Variants in DENND6A observed in about 807,000 individuals in gnomAD.
DENND6A encodes DENN domain containing 6A.
DENND6A carries 43 observed loss-of-function variants against 95.5 expected under a neutral mutation model. The observed-to-expected ratio is 0.45, with a 90% confidence interval of 0.35 to 0.58. The LOEUF (loss-of-function observed/expected upper bound fraction) is 0.58. DENND6A is among the 20% of genes least tolerant of loss of function. The pLI, the probability that DENND6A is intolerant of heterozygous loss-of-function variation, is 0.00. For synonymous variants in DENND6A, 257 were observed against 260.4 expected (o/e 0.99, Z 0.13); for missense variants, 574 against 736.0 (o/e 0.78, Z 2.55).
intron 12 of DENND6A, among the ~76,000 whole-genome samples, chr3:57,637,106 A>T (rs2070811917): frequency 6.6e-6 from 1 of 152,198 alleles, no homozygotes; most frequent in African/African-American, 2.4e-5. Flanking sequence ...CTCTGGTCCA[A>T]GAATACTGCA....
In DENND6A at chr3:57,630,484, C is replaced by T. The variant is rs1161069352; in HGVS notation, c.1557G>A (p.Lys519=). Residue 519 remains lysine (K), a synonymous_variant, in exon 18 of 20, where the codon AAG becomes AAA. Coordinates refer to ENST00000311128, the MANE Select transcript of DENND6A (RefSeq NM_152678.3). ...TTTGGGTCATTTCCTTCCTCCGGGT[C>T]TTAAACCAGCCATCAAAATTTGGAG... ...LKSPNFDGWF[K]TRRKEMTQKL... is the part of the protein sequence containing the mutation. 2 of 1,592,962 alleles carry T rather than the reference C, an allele frequency of 1.3e-6. No individual in the cohort carries two copies. Among genetic ancestry groups the T allele is most frequent in the East Asian group, 4.5e-5 (2 of 44,660 alleles).
intron 1 of DENND6A, among the ~76,000 whole-genome samples, chr3:57,673,952 A>G (rs1411000361): frequency 1.3e-5 from 2 of 152,118 alleles, no homozygotes; most frequent in African/African-American, 4.8e-5. Context: ...TATTTTTAGT[A>G]GAGATGAGGA....
intron 1 of DENND6A, among the ~76,000 whole-genome samples, chr3:57,690,282 G>T (rs1304084847): frequency 1.3e-5 from 2 of 152,158 alleles, no homozygotes; most frequent in African/African-American, 4.8e-5. Flanking sequence ...GAGGTGGGCA[G>T]ATCACACTGT....
chr3:57,668,887 T>A (rs1049140277), intron 3 of DENND6A, among the ~76,000 whole-genome samples: 1 of 152,180 alleles, frequency 6.6e-6, no homozygotes, highest in Admixed American at 6.5e-5. Flanking sequence ...TCCTTTTTTT[T>A]CTTGAGATGG....
chr3:57,655,367 C>T (rs2071304126), intron 9 of DENND6A, among the ~76,000 whole-genome samples: 1 of 152,160 alleles, frequency 6.6e-6, no homozygotes, highest in Non-Finnish European at 1.5e-5. Flanking sequence ...AACTTACTTG[C>T]CCCACTCTTA....
chr3:57,687,384 T>C (rs2077220414), intron 1 of DENND6A, among the ~76,000 whole-genome samples: 2 of 152,124 alleles, frequency 1.3e-5, no homozygotes, highest in South Asian at 2.1e-4. Context: ...AGAAGAAAAG[T>C]TGGAAGCTAG....
Position 57,634,620 on chromosome 3 carries a change from C to A in DENND6A, c.1201G>T (p.Val401Phe). Residue 401 changes from valine to phenylalanine, a missense_variant and splice_region_variant, in exon 14 of 20, where the codon GTT (valine) becomes TTT (phenylalanine). Transcript: ENST00000311128. Reference sequence around the variant, plus strand: ...AAATATGGCTTATATGAAGTATAAACTCCTAAGAGCAAAGAAAAGAAGGTA... The same window carrying A: ...AAATATGGCTTATATGAAGTATAAAATCCTAAGAGCAAAGAAAAGAAGGTA... ...NLKTLDSKPGVYTSYKPYLNR... is the reference protein window; with the variant it reads ...NLKTLDSKPGFYTSYKPYLNR... 6.7e-7 allele frequency: 1 copy of A among 1,484,106 alleles called. No homozygotes were observed. The highest frequency in any genetic ancestry group is 9.0e-7 in the Non-Finnish European group (1 of 1,107,786). The allele number at this position is 1,484,106 out of a possible 1,614,324, so 91.9% of individuals were successfully genotyped here. A position where few individuals can be genotyped will look rare whatever the true frequency, so the allele number is the denominator to read the frequency against.
At chr3:57,671,769 G>A (rs1559826235) in intron 3 of DENND6A, among the ~76,000 whole-genome samples, 1 of 152,046 alleles carries the variant, frequency 6.6e-6, no homozygotes, top group Non-Finnish European at 1.5e-5. Context: ...ACCCTTGTAT[G>A]TTTTTTTCTA....
intron 1 of DENND6A, among the ~76,000 whole-genome samples, chr3:57,678,742 A>G (rs928268927): frequency 1.3e-5 from 2 of 152,262 alleles, no homozygotes; most frequent in African/African-American, 4.8e-5. Context: ...CTCACCAGGA[A>G]CAAAATTGGT....
In DENND6A at chr3:57,634,781, A is replaced by G. The variant is rs1351682424; in HGVS notation, c.1133-12T>C. 6.5e-7 allele frequency: 1 copy of G among 1,537,344 alleles called. No individual in the cohort carries two copies. Among genetic ancestry groups the G allele is most frequent in the Non-Finnish European group, 8.7e-7 (1 of 1,145,152 alleles). ...CTTAGGAATTTCACCTGAAGGAAGC[A>G]GCATAAAGATTTTTATAATTATTCT... On this transcript the variant is annotated splice_polypyrimidine_tract_variant and intron_variant, in intron 12 of 19. Coordinates refer to ENST00000311128, the MANE Select transcript of DENND6A (RefSeq NM_152678.3).
At position 57,685,729 on chromosome 3, in the gene DENND6A, C is replaced by CT. The variant is rs201013495; in HGVS notation, c.237+7052dup. 1.2e-3 allele frequency among the ~76,000 whole-genome samples: 177 copies of CT among 150,552 alleles called. 1 individual carries two copies. The highest frequency in any genetic ancestry group is 9.7e-3 in the South Asian group (46 of 4,756). On this transcript the variant is annotated intron_variant, in intron 1 of 19. Transcript: ENST00000311128. ...TCTCATATCTGCTTCAGCATTCATTCTTTTTTTTTAAAAAAAAATTTGTTT... is the reference window on the plus strand; with the variant it reads ...TCTCATATCTGCTTCAGCATTCATTCTTTTTTTTTTAAAAAAAAATTTGTTT...
At chr3:57,679,834 C>T (rs1248654396) in intron 1 of DENND6A, among the ~76,000 whole-genome samples, 8 of 152,014 alleles carry the variant, frequency 5.3e-5, no homozygotes, top group African/African-American at 1.2e-4. Flanking sequence ...GCTGGGAAGG[C>T]GGGAGCTCAG....
intron 19 of DENND6A, among the ~76,000 whole-genome samples, 171 bp from the exon 20 acceptor site, chr3:57,628,516 T>C (rs1314909951): frequency 1.3e-5 from 2 of 152,206 alleles, no homozygotes; most frequent in African/African-American, 2.4e-5. Context: ...CAATTCGTTA[T>C]TGAGCTCAAT....
chr3:57,651,710 C>A (rs539040656), intron 9 of DENND6A, among the ~76,000 whole-genome samples: 2 of 151,858 alleles, frequency 1.3e-5, no homozygotes, highest in South Asian at 4.2e-4. Context: ...AAGATAAACC[C>A]GGAATATCTC....
At chr3:57,662,334 G>A (rs73086466) in intron 5 of DENND6A, among the ~76,000 whole-genome samples, 20,392 of 151,674 alleles carry the variant, frequency 0.13, 1,453 homozygotes, top group South Asian at 0.21. Flanking sequence ...GGGACTACAG[G>A]TGTATGCCAT....
At chr3:57,663,827 C>G (rs2071478287) in intron 4 of DENND6A, 111 bp from the exon 5 acceptor site, 3 of 519,996 alleles carry the variant, frequency 5.8e-6, no homozygotes, top group Non-Finnish European at 9.6e-6. Flanking sequence ...TTTATAAACC[C>G]AAATCAAGAC....
At chr3:57,642,997 A>C (rs1296526081) in intron 11 of DENND6A, among the ~76,000 whole-genome samples, 3 of 130,136 alleles carry the variant, frequency 2.3e-5, no homozygotes, top group Non-Finnish European at 4.9e-5. Flanking sequence ...CAAGAGCGAG[A>C]CTTCATCTCA....
intron 11 of DENND6A, among the ~76,000 whole-genome samples, chr3:57,642,836 T>C (rs1470866243): frequency 6.6e-6 from 1 of 151,936 alleles, no homozygotes; most frequent in South Asian, 2.1e-4. Context: ...TGAAACCCCA[T>C]CTCTACTAAA....
At chr3:57,691,669 C>CAAAAAAAAAAAAAAAAAAAAAAAAAAAA in intron 1 of DENND6A, among the ~76,000 whole-genome samples, 1 of 93,596 alleles carries the variant, frequency 1.1e-5, no homozygotes, top group Non-Finnish European at 2.0e-5. Flanking sequence ...TCACCAATAC[C>CAAAAAAAAAAAAAAAAAAAAAAAAAAAA]AAAAAAAAAA....
Sources: gnomAD v4.1 joint callset for allele counts (sites outside exome capture counted in the v4.1 genomes callset) on GRCh38, gnomAD v4.1.1 for gene constraint, MANE v1.5 for transcripts, NCBI Gene and HGNC (gene_info 2026-07-23, HGNC 2026-07-21) for gene names.